SORBS2: variants seen among roughly 807,000 people sequenced by gnomAD.
The protein encoded by SORBS2 is sorbin and SH3 domain containing 2.
A neutral mutation model predicts 97.7 loss-of-function variants in SORBS2; 46 were observed. That is an observed-to-expected ratio of 0.47 (90% CI 0.37 to 0.60). The LOEUF is 0.60. Among genes scored for constraint, SORBS2 ranks in the 20% least tolerant of loss-of-function variants. The pLI is 0.00. For missense variants in SORBS2, 1,316 were observed against 1,282.3 expected (o/e 1.03, Z -0.40); for synonymous variants, 476 against 473.4 (o/e 1.01, Z -0.07).
chr4:185,636,648 ATT>A (rs1228463050), intron 4 of SORBS2, among the ~76,000 whole-genome samples: 21 of 133,912 alleles, frequency 1.6e-4, no homozygotes, highest in Non-Finnish European at 1.4e-4. Context: ...CCAGTTGACT[ATT>A]TTTTTTTTTT....
chr4:185,678,066 A>C (rs1375304450), intron 4 of SORBS2, among the ~76,000 whole-genome samples: 2 of 152,196 alleles, frequency 1.3e-5, no homozygotes, highest in Non-Finnish European at 2.9e-5. Context: ...CCTTTTAGTT[A>C]ATATAATAGT....
chr4:185,852,106 C>T (rs1356191806), intron 1 of SORBS2, among the ~76,000 whole-genome samples: 3 of 152,152 alleles, frequency 2.0e-5, no homozygotes, highest in Non-Finnish European at 2.9e-5. Context: ...GCTTTTAATA[C>T]GTTTAGCATA....
chr4:185,766,713 C>T (rs2098936082), intron 2 of SORBS2, among the ~76,000 whole-genome samples: 1 of 152,128 alleles, frequency 6.6e-6, no homozygotes, highest in African/African-American at 2.4e-5. Flanking sequence ...TTTAGGTTTG[C>T]AAAATTGAAC....
chr4:185,900,590 A>G (rs1234109606), intron 1 of SORBS2, among the ~76,000 whole-genome samples: 1 of 152,216 alleles, frequency 6.6e-6, no homozygotes, highest in South Asian at 2.1e-4. Flanking sequence ...AACAGGTTAT[A>G]TAGAGAGAGA....
intron 1 of SORBS2, among the ~76,000 whole-genome samples, chr4:185,823,958 G>C (rs536549432): frequency 1.3e-5 from 2 of 152,146 alleles, no homozygotes; most frequent in Non-Finnish European, 2.9e-5. Flanking sequence ...AGCTGATACC[G>C]TATCTTAGGG....
At chr4:185,834,713 T>C (rs1337780502) in intron 1 of SORBS2, among the ~76,000 whole-genome samples, 3 of 152,228 alleles carry the variant, frequency 2.0e-5, no homozygotes, top group African/African-American at 7.2e-5. Flanking sequence ...AAGTGATTTT[T>C]AATTAATATT....
chr4:185,639,078 G>A lies in SORBS2; in HGVS notation c.396+7590C>T, dbSNP rs951493365. The stretch of plus-strand genomic sequence containing the variant: ...GCAGAAACTGGTTCATTAGATGGAG[G>A]CTCTGGGCGGAACCGCGAGGACACC... On this transcript the variant is annotated intron_variant, in intron 4 of 14. Coordinates refer to ENST00000418609, the Ensembl canonical transcript of SORBS2. The A allele has an allele frequency of 2.6e-5, 38 of 1,477,644 alleles. No individual in the cohort carries two copies. In the Middle Eastern group the frequency reaches 8.7e-4, roughly 34 times the overall value. 91.5% of individuals were successfully genotyped at this position (1,477,644 alleles called of 1,614,324 possible). A position where few individuals can be genotyped will look rare whatever the true frequency, so the allele number is the denominator to read the frequency against.
rs546026712 is a variant in SORBS2 at position 185,719,330 on chromosome 4, G to A, written c.-197-40508C>T. On this transcript the variant is annotated intron_variant, in intron 2 of 20. Coordinates refer to the SORBS2 transcript ENST00000284776. The stretch of plus-strand genomic sequence containing the variant: ...TGCCGGTAGGTACTCTCAAACCAGC[G>A]TGAACTGTACACTGCAATTAATTAT... Among the ~76,000 whole-genome samples the A allele has an allele frequency of 1.1e-4, 17 of 152,278 alleles. No homozygotes were observed. In the South Asian group the frequency reaches 3.1e-3, roughly 28 times the overall value.
intron 1 of SORBS2, among the ~76,000 whole-genome samples, chr4:185,898,786 C>A (rs542620021): frequency 6.6e-6 from 1 of 152,226 alleles, no homozygotes; most frequent in Admixed American, 6.5e-5. Context: ...TATTTGGATA[C>A]CGTGAGCTTC....
intron 12 of SORBS2, among the ~76,000 whole-genome samples, chr4:185,598,167 G>C (rs2096161390): frequency 1.3e-5 from 2 of 152,192 alleles, no homozygotes; most frequent in African/African-American, 4.8e-5. Flanking sequence ...CAATCACTGT[G>C]CTGGGCATTT....
intron 1 of SORBS2, among the ~76,000 whole-genome samples, chr4:185,848,831 G>A (rs1326927968): frequency 6.6e-6 from 1 of 151,468 alleles, no homozygotes; most frequent in Non-Finnish European, 1.5e-5. Context: ...AGTCTGCTGG[G>A]TTCAGTACTG....
rs897783833 is a variant in SORBS2 at position 185,614,174 on chromosome 4, T to G, written c.2595+657A>C. Among the ~76,000 whole-genome samples the G allele has an allele frequency of 5.8e-4, 83 of 144,336 alleles. 1 individual carries two copies. The highest frequency in any genetic ancestry group is 2.1e-3 in the African/African-American group (80 of 38,562). The allele number at this position is 144,336 out of a possible 152,430, so 94.7% of individuals were successfully genotyped here. On this transcript the variant is annotated intron_variant, in intron 11 of 14. Coordinates refer to ENST00000418609, the Ensembl canonical transcript of SORBS2. ...GTTTTTTTGTGTTTTTTTTTTTTTT[T>G]TTTTTTTTGAGATGGAATCTCGCTC...
chr4:185,946,156 G>A (rs2099274435), intron 1 of SORBS2, among the ~76,000 whole-genome samples: 1 of 118,110 alleles, frequency 8.5e-6, no homozygotes, highest in African/African-American at 3.3e-5. Context: ...CTCAAAGCTT[G>A]TTACCACATC....
At chr4:185,826,909 A>C (rs2099200172) in intron 1 of SORBS2, among the ~76,000 whole-genome samples, 1 of 152,236 alleles carries the variant, frequency 6.6e-6, no homozygotes, top group Admixed American at 6.5e-5. Flanking sequence ...AACTATTATG[A>C]GGATCAAATG....
chr4:185,589,545 G>A, intron 14 of SORBS2, 134 bp downstream of exon 26: 1 of 665,884 alleles, frequency 1.5e-6, no homozygotes, highest in Non-Finnish European at 2.7e-6. Context: ...ATTACATTGT[G>A]CATATGAATG....
chr4:185,780,799 T>A (rs1391586790), intron 1 of SORBS2, among the ~76,000 whole-genome samples: 1 of 152,198 alleles, frequency 6.6e-6, no homozygotes, highest in African/African-American at 2.4e-5. Flanking sequence ...TGGGTTGAGG[T>A]TTATCAAGTG....
chr4:185,739,553 G>A (rs2098709534), intron 2 of SORBS2, among the ~76,000 whole-genome samples: 1 of 152,212 alleles, frequency 6.6e-6, no homozygotes, highest in South Asian at 2.1e-4. Flanking sequence ...AAGTCTATGT[G>A]TTTGTTGGTG....
intron 3 of SORBS2, among the ~76,000 whole-genome samples, chr4:185,648,765 GT>G (rs1226872939): frequency 3.3e-5 from 5 of 152,118 alleles, no homozygotes; most frequent in Non-Finnish European, 7.3e-5. Flanking sequence ...CTAAACTGCA[GT>G]TTCTTCCTCT....
At chr4:185,877,883 A>AAAAAAAAAAAG (rs1344109012) in intron 1 of SORBS2, among the ~76,000 whole-genome samples, 12 of 145,174 alleles carry the variant, frequency 8.3e-5, no homozygotes, top group African/African-American at 1.8e-4. Flanking sequence ...ACAAAAAAAA[A>AAAAAAAAAAAG]AAAGAAAGAA....
Sources: gnomAD v4.1 joint callset for allele counts (sites outside exome capture counted in the v4.1 genomes callset) on GRCh38, gnomAD v4.1.1 for gene constraint, MANE v1.5 for transcripts, NCBI Gene and HGNC (gene_info 2026-07-23, HGNC 2026-07-21) for gene names.